Variants in RBFOX1 observed in about 807,000 individuals in gnomAD.
RBFOX1 encodes the protein RNA binding protein fox-1 homolog 1.
Under a neutral mutation model 57.7 loss-of-function variants are expected in RBFOX1, and 8 were observed. The observed-to-expected ratio is 0.14, with a 90% CI of 0.08 to 0.25. The LOEUF is 0.25. RBFOX1 is among the 10% of genes least tolerant of loss of function. The pLI is 1.00. For missense variants in RBFOX1, 611 were observed against 548.5 expected (o/e 1.11, Z -1.14); for synonymous variants, 326 against 222.4 (o/e 1.47, Z -4.15).
At chr16:5,719,655 C>T (rs2051854155) in intron 3 of RBFOX1, among the ~76,000 whole-genome samples, 1 of 152,132 alleles carries the variant, frequency 6.6e-6, no homozygotes, top group Non-Finnish European at 1.5e-5. Flanking sequence ...TAGAAGAAAT[C>T]ATACCGTAGG....
intron 1 of RBFOX1, among the ~76,000 whole-genome samples, chr16:5,399,928 G>C (rs515862): frequency 0.026 from 3,948 of 151,856 alleles, 178 homozygotes; most frequent in African/African-American, 0.091. Flanking sequence ...GTAAGAATTC[G>C]TGAACCCAAC....
intron 10 of RBFOX1, among the ~76,000 whole-genome samples, chr16:7,617,301 G>A (rs1311331795): frequency 6.6e-6 from 1 of 152,178 alleles, no homozygotes; most frequent in East Asian, 1.9e-4. Context: ...AAATGGGCAT[G>A]ATTGTTTTCC....
intron 1 of RBFOX1, among the ~76,000 whole-genome samples, chr16:6,164,374 T>C (rs954673177): frequency 6.6e-6 from 1 of 152,140 alleles, no homozygotes; most frequent in African/African-American, 2.4e-5. Flanking sequence ...TTTGCATACC[T>C]ATTTGTATCC....
At chr16:7,523,476 A>G (rs568487483) in intron 5 of RBFOX1, among the ~76,000 whole-genome samples, 13 of 152,218 alleles carry the variant, frequency 8.5e-5, no homozygotes, top group Non-Finnish European at 1.9e-4. Flanking sequence ...CATGTCAGAA[A>G]TCTGCCTTAG....
intron 1 of RBFOX1, among the ~76,000 whole-genome samples, chr16:5,302,229 A>G (rs1182230504): frequency 2.0e-5 from 3 of 152,176 alleles, no homozygotes; most frequent in Non-Finnish European, 2.9e-5. Flanking sequence ...ATTTCTAAAT[A>G]TTTGGTAATT....
chr16:5,454,864 T>TTC lies in RBFOX1; in HGVS notation c.220-12350_220-12349dup, dbSNP rs769273655. 2.6e-3 allele frequency among the ~76,000 whole-genome samples: 134 copies of TTC among 51,474 alleles called. 3 individuals are homozygous for TTC. The highest frequency in any genetic ancestry group is 4.8e-3 in the Non-Finnish European group (104 of 21,726). The allele number at this position is 51,474 out of a possible 152,430, so 33.8% of individuals were successfully genotyped here. A position where few individuals can be genotyped will look rare whatever the true frequency, so the allele number is the denominator to read the frequency against. On this transcript the variant is annotated intron_variant, in intron 1 of 2. Coordinates refer to the RBFOX1 transcript ENST00000585867. ...TCCTTTCTTTCTTTCTTTTCTTTCT[T>TTC]TCTTTCTTTCTTTCTTTCTTTCTTT...
At chr16:6,542,915 C>G (rs6500792) in intron 2 of RBFOX1, among the ~76,000 whole-genome samples, 1 of 151,958 alleles carries the variant, frequency 6.6e-6, no homozygotes, top group Non-Finnish European at 1.5e-5. Context: ...GGGACCACAC[C>G]GTGCTGAGTC....
At chr16:7,053,229 A>G (rs1447233016) in intron 4 of RBFOX1, among the ~76,000 whole-genome samples, 1 of 152,146 alleles carries the variant, frequency 6.6e-6, no homozygotes, top group African/African-American at 2.4e-5. Flanking sequence ...CGAGAAAGTG[A>G]GACAAGGTTT....
chr16:5,727,982 C>T (rs779748430), intron 3 of RBFOX1, among the ~76,000 whole-genome samples: 4 of 152,186 alleles, frequency 2.6e-5, no homozygotes, highest in African/African-American at 4.8e-5. Context: ...CTACCATGCC[C>T]GGCCTCCTCT....
intron 1 of RBFOX1, among the ~76,000 whole-genome samples, chr16:6,190,200 T>G (rs148560881): frequency 6.6e-6 from 1 of 152,238 alleles, no homozygotes; most frequent in Admixed American, 6.5e-5. Context: ...TCAATAAGTA[T>G]TTAAATCAAT....
At chr16:5,930,872 G>T (rs2152247226) in intron 4 of RBFOX1, among the ~76,000 whole-genome samples, 1 of 144,128 alleles carries the variant, frequency 6.9e-6, no homozygotes, top group East Asian at 2.2e-4. Flanking sequence ...ATGGATGTAT[G>T]GCTGGGTAGG....
At chr16:7,009,675 G>C (rs779216439) in intron 3 of RBFOX1, among the ~76,000 whole-genome samples, 12 of 152,126 alleles carry the variant, frequency 7.9e-5, no homozygotes, top group African/African-American at 2.2e-4. Context: ...GAATATCCTA[G>C]AATTATAGGG....
chr16:7,085,170 C>G (rs1181862719), intron 4 of RBFOX1, among the ~76,000 whole-genome samples: 17 of 152,168 alleles, frequency 1.1e-4, no homozygotes, highest in African/African-American at 3.9e-4. Flanking sequence ...ATAAATGCCT[C>G]CAAGGGCCAG....
At chr16:5,954,094 G>T (rs991653941) in intron 4 of RBFOX1, among the ~76,000 whole-genome samples, 2 of 152,176 alleles carry the variant, frequency 1.3e-5, no homozygotes, top group African/African-American at 4.8e-5. Flanking sequence ...ACAGCCCCCT[G>T]CCATCGAGAA....
chr16:7,386,382 C>G lies in RBFOX1; in HGVS notation c.28-131765C>G, dbSNP rs900254724. Among the ~76,000 whole-genome samples the G allele has an allele frequency of 4.8e-4, 71 of 148,810 alleles. 1 individual carries two copies. The highest frequency in any genetic ancestry group is 1.7e-3 in the African/African-American group (70 of 40,280). On this transcript the variant is annotated intron_variant, in intron 4 of 15. Coordinates refer to ENST00000550418, the MANE Select transcript of RBFOX1 (RefSeq NM_018723.4). ...TTTCTCCTAAAGCTATACCCCCCAG[C>G]CCCCACCCCCCAACAGGCCCCAGTG...
chr16:7,614,210 C>A lies in RBFOX1; in HGVS notation c.676+6872C>A, dbSNP rs562060007. 4 of 152,312 alleles carry A rather than the reference C, an allele frequency of 2.6e-5. No individual in the cohort carries two copies. The South Asian group carries it at 8.3e-4, about 32-fold the overall frequency. The allele number at this position is 152,312 out of a possible 1,614,324, so 9.4% of individuals were successfully genotyped here. On this transcript the variant is annotated intron_variant, in intron 10 of 15. Coordinates refer to ENST00000550418, the MANE Select transcript of RBFOX1 (RefSeq NM_018723.4). The stretch of plus-strand genomic sequence containing the variant: ...TTCAAATGCAGTGCACTTCAGTGAA[C>A]TGGAACAGGAGAGTCCAGATTTAAG...
chr16:6,778,104 C>T (rs546490073), intron 3 of RBFOX1, among the ~76,000 whole-genome samples: 6 of 152,096 alleles, frequency 3.9e-5, no homozygotes, highest in South Asian at 4.2e-4. Context: ...TGCACTGTTG[C>T]GAATACATGA....
chr16:7,545,678 C>T (rs1325802639), intron 5 of RBFOX1, among the ~76,000 whole-genome samples: 1 of 152,122 alleles, frequency 6.6e-6, no homozygotes, highest in Admixed American at 6.5e-5. Flanking sequence ...AGTTGCCCGA[C>T]ACGGTGACTT....
At chr16:6,440,554 C>A (rs1374778065) in intron 2 of RBFOX1, among the ~76,000 whole-genome samples, 1 of 152,084 alleles carries the variant, frequency 6.6e-6, no homozygotes, top group African/African-American at 2.4e-5. Flanking sequence ...GTAATCCCAG[C>A]AATCTGGGAG....
Sources: gnomAD v4.1 joint callset for allele counts (sites outside exome capture counted in the v4.1 genomes callset) on GRCh38, gnomAD v4.1.1 for gene constraint, MANE v1.5 for transcripts, NCBI Gene and HGNC (gene_info 2026-07-23, HGNC 2026-07-21) for gene names.